The following GARIN5A variants were observed in gnomAD, a reference collection of about 807,000 sequenced individuals.
GARIN5A encodes the protein golgi associated RAB2 interactor 5A.
At chr19:50,474,385 G>A in the GARIN5A span, among the ~76,000 whole-genome samples, 273 of 134,018 alleles carry the variant, frequency 2.0e-3, no homozygotes, top group Non-Finnish European at 3.4e-3. Flanking sequence ...TCGCTCTGTC[G>A]CCCAGGCTGG....
chr19:50,472,107 CGTGTGT>C, the GARIN5A span, among the ~76,000 whole-genome samples: 2 of 124,626 alleles, frequency 1.6e-5, no homozygotes, highest in African/African-American at 6.9e-5. Flanking sequence ...TGTATATATA[CGTGTGT>C]ATATGTATAT....
chr19:50,468,564 C>T, the GARIN5A span, among the ~76,000 whole-genome samples: 12 of 152,064 alleles, frequency 7.9e-5, no homozygotes, highest in East Asian at 1.7e-3. Flanking sequence ...TGTTCTCACA[C>T]CCTGATGAGT....
the GARIN5A span, chr19:50,476,608 C>T: frequency 6.4e-7 from 1 of 1,561,808 alleles, no homozygotes; most frequent in East Asian, 2.4e-5. Context: ...GGTAGCAGCG[C>T]CCAGTCGAGC....
At chr19:50,476,738 G>C in the GARIN5A span, 1 of 894,538 alleles carries the variant, frequency 1.1e-6, no homozygotes, top group Non-Finnish European at 1.6e-6. Context: ...GTTACAGACG[G>C]AAGGAGGCTG....
At chr19:50,476,120 C>T in the GARIN5A span, 2 of 1,612,886 alleles carry the variant, frequency 1.2e-6, no homozygotes, top group South Asian at 1.1e-5. Context: ...GCCTGGCTCC[C>T]CTCTCTCACC....
At chr19:50,467,751 G>C in the GARIN5A span, 2 of 1,610,178 alleles carry the variant, frequency 1.2e-6, no homozygotes, top group Non-Finnish European at 1.7e-6. Flanking sequence ...AGAAGGTGCG[G>C]CTGGTGTTCA....
the GARIN5A span, chr19:50,476,290 A>T: frequency 6.2e-7 from 1 of 1,603,358 alleles, no homozygotes; most frequent in African/African-American, 1.3e-5. Context: ...CATGATGCGG[A>T]GCGGGCTTTA....
chr19:50,471,951 C>CATGT, the GARIN5A span, among the ~76,000 whole-genome samples: 1 of 143,642 alleles, frequency 7.0e-6, no homozygotes, highest in Non-Finnish European at 1.5e-5. Context: ...AGTATATATA[C>CATGT]ATGTATGTAT....
the GARIN5A span, among the ~76,000 whole-genome samples, chr19:50,472,808 A>G: frequency 1.3e-5 from 2 of 152,134 alleles, no homozygotes; most frequent in Non-Finnish European, 2.9e-5. Flanking sequence ...AGGTGGGAGG[A>G]TCGCTTGCGC....
At chr19:50,471,988 G>GTATA in the GARIN5A span, among the ~76,000 whole-genome samples, 1 of 147,348 alleles carries the variant, frequency 6.8e-6, no homozygotes, top group Non-Finnish European at 1.5e-5. Context: ...GTGTGTATAT[G>GTATA]TATATATACG....
At chr19:50,475,227 G>A in the GARIN5A span, 2 of 1,459,074 alleles carry the variant, frequency 1.4e-6, no homozygotes, top group Non-Finnish European at 1.8e-6. Context: ...GCCAGCTCCT[G>A]GCCCTGGGGG....
the GARIN5A span, chr19:50,476,602 G>C: frequency 1.9e-6 from 3 of 1,568,898 alleles, no homozygotes; most frequent in South Asian, 2.3e-5. Context: ...GATGGCGGTA[G>C]CAGCGCCCAG....
the GARIN5A span, among the ~76,000 whole-genome samples, chr19:50,470,256 G>C: frequency 5.9e-5 from 9 of 152,222 alleles, no homozygotes; most frequent in Admixed American, 6.5e-5. Context: ...GCTCAGGCCT[G>C]TAATCGCAGC....
At chr19:50,470,765 C>T in the GARIN5A span, among the ~76,000 whole-genome samples, 2 of 150,958 alleles carry the variant, frequency 1.3e-5, no homozygotes, top group African/African-American at 4.9e-5. Flanking sequence ...AGTGATTCTC[C>T]TGCCTCAGCC....
chr19:50,471,753 C>T, the GARIN5A span, among the ~76,000 whole-genome samples: 1 of 134,228 alleles, frequency 7.5e-6, no homozygotes, highest in Non-Finnish European at 1.5e-5. Context: ...CGCATACATG[C>T]ATGTGTATAC....
chr19:50,472,079 CAT>C, the GARIN5A span, among the ~76,000 whole-genome samples: 703 of 97,726 alleles, frequency 7.2e-3, 7 homozygotes, highest in East Asian at 0.04. Flanking sequence ...TGTATATATA[CAT>C]GTGTGTATAT....
chr19:50,471,642 A>ATATATGCATACATGCACGTGTGTG, the GARIN5A span, among the ~76,000 whole-genome samples: 2 of 108,390 alleles, frequency 1.8e-5, no homozygotes, highest in East Asian at 2.6e-4. Flanking sequence ...ACATGTGTGT[A>ATATATGCATACATGCACGTGTGTG]TATACGCATA....
the GARIN5A span, among the ~76,000 whole-genome samples, chr19:50,470,854 C>T: frequency 2.0e-5 from 3 of 151,788 alleles, no homozygotes; most frequent in Non-Finnish European, 4.4e-5. Context: ...GGGGGTTTCA[C>T]TATGTTGGCC....
At chr19:50,469,391 T>A in the GARIN5A span, among the ~76,000 whole-genome samples, 1 of 152,138 alleles carries the variant, frequency 6.6e-6, no homozygotes, top group East Asian at 1.9e-4. Context: ...TCCTTTCCGG[T>A]CTGACGGAGC....
Sources: allele counts gnomAD v4.1 joint callset (sites outside exome capture counted in the v4.1 genomes callset), GRCh38; gene constraint gnomAD v4.1.1; transcripts MANE v1.5; gene names NCBI Gene and HGNC (gene_info 2026-07-23, HGNC 2026-07-21).